ZKSCAN2: variants seen among roughly 807,000 people sequenced by gnomAD.
ZKSCAN2 encodes zinc finger with KRAB and SCAN domains 2.
In ZKSCAN2, 38 loss-of-function variants were observed where a neutral mutation model predicts 90.5. The observed-to-expected ratio is 0.42, with a 90% CI of 0.32 to 0.55. The LOEUF (loss-of-function observed/expected upper bound fraction) is 0.55. Ranked by LOEUF, ZKSCAN2 falls within the 20% of genes least tolerant of loss-of-function variation. The pLI, the probability that ZKSCAN2 is intolerant of heterozygous loss-of-function variation, is 0.11. For missense variants in ZKSCAN2, 1,167 were observed against 1,202.6 expected (o/e 0.97, Z 0.44); for synonymous variants, 429 against 421.6 (o/e 1.02, Z -0.22).
At chr16:25,248,880 A>G (rs1962976859) in intron 4 of ZKSCAN2, among the ~76,000 whole-genome samples, 1 of 152,248 alleles carries the variant, frequency 6.6e-6, no homozygotes, top group African/African-American at 2.4e-5. Flanking sequence ...CAGCTAAGAT[A>G]CGGAAGCAAC....
At position 25,241,596 on chromosome 16, in the gene ZKSCAN2, C is replaced by T. The variant is rs555641157; in HGVS notation, c.1982-858G>A. 1.6e-4 allele frequency among the ~76,000 whole-genome samples: 24 copies of T among 152,350 alleles called. 1 individual carries two copies. The highest frequency in any genetic ancestry group is 3.4e-3 in the Middle Eastern group (1 of 294). On this transcript the variant is annotated intron_variant, in intron 6 of 6. Transcript: ENST00000328086. ...CACGCCCACATACTCCCTGCTCCCT[C>T]CATCCAGACTACTTTGAAGCCAATT... is the stretch of plus-strand genomic sequence containing the variant.
At chr16:25,241,179 G>A (rs1962848841) in intron 6 of ZKSCAN2, among the ~76,000 whole-genome samples, 1 of 152,162 alleles carries the variant, frequency 6.6e-6, no homozygotes, top group Non-Finnish European at 1.5e-5. Context: ...CCACCCAAGG[G>A]TACCTGTTTC....
chr16:25,253,517 G>C (rs188364670), intron 2 of ZKSCAN2, among the ~76,000 whole-genome samples: 5 of 151,270 alleles, frequency 3.3e-5, no homozygotes, highest in Admixed American at 3.3e-4. Flanking sequence ...ATATAAATTT[G>C]GGGAGGCATA....
At position 25,238,917 on chromosome 16, in the gene ZKSCAN2, G is replaced by C. The variant is rs1407934169; in HGVS notation, c.*899C>G. The stretch of plus-strand genomic sequence containing the variant: ...CATGTTCTAGATAAGAGCCAGAGAA[G>C]TTAGAGGATAGAACTAGAACGCATC... On this transcript the variant is annotated 3_prime_UTR_variant, in exon 7 of 7. Coordinates refer to ENST00000328086, the MANE Select transcript of ZKSCAN2 (RefSeq NM_001012981.5). The C allele has an allele frequency of 1.3e-5, 2 of 152,356 alleles. No individual in the cohort carries two copies. Among genetic ancestry groups the C allele is most frequent in the Non-Finnish European group, 2.9e-5 (2 of 68,078 alleles). 9.4% of individuals were successfully genotyped at this position (152,356 alleles called of 1,614,324 possible). A position where few individuals can be genotyped will look rare whatever the true frequency, so the allele number is the denominator to read the frequency against.
rs990989745 is a variant in ZKSCAN2, at chr16:25,240,098, G to C, written c.2622C>G (p.Phe874Leu). ...CGKSFTNSSH[F>L]SAHRRVHTGE... ...CAGTGTGAACTCTCCGGTGGGCGCT[G>C]AAATGAGAACTGTTGGTGAAACTTT... The change falls in exon 7 of 7, where the codon TTC becomes TTG. Residue 874 changes from phenylalanine to leucine, a missense_variant. Transcript: ENST00000328086. 4.3e-6 allele frequency: 7 copies of C among 1,613,546 alleles called. No individual in the cohort carries two copies. The highest frequency in any genetic ancestry group is 5.9e-6 in the Non-Finnish European group (7 of 1,179,942).
In ZKSCAN2 at chr16:25,239,910, T is replaced by C. The variant is rs771030814; in HGVS notation, c.2810A>G (p.His937Arg). The change falls in exon 7 of 7, where the codon CAT (histidine) becomes CGT (arginine). Residue 937 changes from histidine to arginine, a missense_variant. By Grantham distance (29) the His-to-Arg change is conservative. Coordinates refer to ENST00000328086, the MANE Select transcript of ZKSCAN2 (RefSeq NM_001012981.5). Reference protein sequence around the residue: ...SSVLTKHREVHVREKPLPHPP... With the variant: ...SSVLTKHREVRVREKPLPHPP... ...GTGTGGCAGAGGCTTTTCTCTCACA[T>C]GAACTTCCCGATGTTTGGTAAGAAC... 1.3e-5 allele frequency: 21 copies of C among 1,614,084 alleles called. No homozygotes were observed. Among genetic ancestry groups the C allele is most frequent in the Non-Finnish European group, 1.6e-5 (19 of 1,180,042 alleles).
chr16:25,245,040 T>C (rs989315080), intron 5 of ZKSCAN2, among the ~76,000 whole-genome samples: 1 of 152,178 alleles, frequency 6.6e-6, no homozygotes, highest in African/African-American at 2.4e-5. Flanking sequence ...CCCAGCCTCA[T>C]GTTGATGGAT....
chr16:25,237,996 T>G lies in ZKSCAN2; in HGVS notation c.*1820A>C, dbSNP rs2141355644. ...ACACAGAAAAATCAACCTATTGAGATGTGAACAGTCATAATATTTCCAACA... is the reference window on the plus strand; with the variant it reads ...ACACAGAAAAATCAACCTATTGAGAGGTGAACAGTCATAATATTTCCAACA... On this transcript the variant is annotated 3_prime_UTR_variant, in exon 7 of 7. Transcript: ENST00000328086. 1 of 152,378 alleles carries G rather than the reference T, an allele frequency of 6.6e-6. No individual in the cohort carries two copies. Among genetic ancestry groups the G allele is most frequent in the Middle Eastern group, 3.4e-3 (1 of 294 alleles). 9.4% of individuals were successfully genotyped at this position (152,378 alleles called of 1,614,324 possible).
chr16:25,250,958 G>C (rs1963011801), intron 4 of ZKSCAN2, among the ~76,000 whole-genome samples: 1 of 152,126 alleles, frequency 6.6e-6, no homozygotes, highest in East Asian at 1.9e-4. Context: ...GTTTCACCAT[G>C]TTGGTCATGC....
rs146722199 is a variant in ZKSCAN2 at position 25,248,484 on chromosome 16, T to C, written c.806-1094A>G. 5.1e-3 allele frequency among the ~76,000 whole-genome samples: 768 copies of C among 152,026 alleles called. 11 individuals carry two copies. The highest frequency in any genetic ancestry group is 0.017 in the African/African-American group (722 of 41,478). ...CCAAACAAATAATCTCATTAAAAAA[T>C]AAGCCAAGGATATGAATGGACATCT... is the stretch of plus-strand genomic sequence containing the variant. On this transcript the variant is annotated intron_variant, in intron 4 of 6. Transcript: ENST00000328086.
At position 25,244,102 on chromosome 16, in the gene ZKSCAN2, T is replaced by C. The variant is rs773877242; in HGVS notation, c.1664A>G (p.Lys555Arg). The change falls in exon 6 of 7, where the codon AAA (lysine) becomes AGA (arginine). Residue 555 changes from lysine (K) to arginine (R), a missense_variant. Transcript: ENST00000328086. ...RTPEQCRTKF[K>R]SLQKSYRKVK... Reference sequence around the variant, plus strand: ...CTTGCGGTAACTCTTCTGAAGGCTTTTGAACTTGGTTCGGCACTGTTCTGG... The same window carrying C: ...CTTGCGGTAACTCTTCTGAAGGCTTCTGAACTTGGTTCGGCACTGTTCTGG... The C allele has an allele frequency of 6.8e-6, 11 of 1,614,074 alleles. No homozygotes were observed. Among genetic ancestry groups the C allele is most frequent in the Non-Finnish European group, 2.5e-6 (3 of 1,180,054 alleles).
Position 25,256,795 on chromosome 16 carries a change from T to C in ZKSCAN2, c.333A>G (p.Gln111=), listed in dbSNP as rs1342468541. The change falls in exon 1 of 7, where the codon CAA becomes CAG. Residue 111 remains glutamine (Q), a synonymous_variant. Coordinates refer to ENST00000328086, the MANE Select transcript of ZKSCAN2 (RefSeq NM_001012981.5). The part of the protein sequence containing the change: ...IQAWAQKQCP[Q]SGEEAVALVV... ...CCAGGGCCACCGCTTCCTCTCCACT[T>C]TGCGGACACTGCTTCTGTGCCCAAG... 1 of 1,614,184 alleles carries C rather than the reference T, an allele frequency of 6.2e-7. No individual in the cohort carries two copies. Among genetic ancestry groups the C allele is most frequent in the Admixed American group, 1.7e-5 (1 of 60,022 alleles).
chr16:25,257,474 G>T lies in ZKSCAN2; in HGVS notation c.-347C>A. The T allele has an allele frequency of 9.8e-7, 1 of 1,019,976 alleles. No homozygotes were observed. The highest frequency in any genetic ancestry group is 1.2e-6 in the Non-Finnish European group (1 of 853,782). 63.2% of individuals were successfully genotyped at this position (1,019,976 alleles called of 1,614,324 possible). On this transcript the variant is annotated 5_prime_UTR_variant, in exon 1 of 7. Coordinates refer to ENST00000328086, the MANE Select transcript of ZKSCAN2 (RefSeq NM_001012981.5). ...GCTGAGGAAAGGCTGGGCGGAGGCG[G>T]ACAGCCGGGCCGGGAGGGGGTGTGT... is the stretch of plus-strand genomic sequence containing the variant.
At chr16:25,253,097 C>A in intron 2 of ZKSCAN2, 60 bp from the exon 3 acceptor site, 1 of 1,317,684 alleles carries the variant, frequency 7.6e-7, no homozygotes, top group South Asian at 1.2e-5. Flanking sequence ...TTCATGCTGT[C>A]TCTCTTTTTA....
intron 2 of ZKSCAN2, 56 bp from the exon 3 acceptor site, chr16:25,253,093 CTG>C: frequency 7.5e-7 from 1 of 1,334,346 alleles, no homozygotes; most frequent in Non-Finnish European, 1.1e-6. Context: ...TTAATTCATG[CTG>C]TCTCTCTTTT....
chr16:25,247,627 C>A (rs978330534), intron 4 of ZKSCAN2, among the ~76,000 whole-genome samples: 1 of 152,106 alleles, frequency 6.6e-6, no homozygotes, highest in African/African-American at 2.4e-5. Flanking sequence ...ACAGGAAAAC[C>A]TTTAAGGGTA....
chr16:25,249,333 A>G (rs1483570362), intron 4 of ZKSCAN2, among the ~76,000 whole-genome samples: 1 of 152,228 alleles, frequency 6.6e-6, no homozygotes, highest in East Asian at 1.9e-4. Flanking sequence ...GAGTGAGCCC[A>G]GGCTGGAATG....
At chr16:25,244,572 GA>G (rs1238672451) in intron 5 of ZKSCAN2, among the ~76,000 whole-genome samples, 3 of 152,272 alleles carry the variant, frequency 2.0e-5, no homozygotes, top group Non-Finnish European at 2.9e-5. Flanking sequence ...TTTTAAAACT[GA>G]AATCGGTAAA....
rs1567349764 is a variant in ZKSCAN2, at chr16:25,240,072, CCA to C, written c.2646_2647del (p.Asn885SerfsTer8). The stretch of plus-strand genomic sequence containing the variant: ...GTCCACACATTTGTAGGGATTCTCC[CCA>C]GTGTGAACTCTCCGGTGGGCGCTGA... On this transcript the variant is annotated frameshift_variant, in exon 7 of 7. Transcript: ENST00000328086. LOFTEE classifies it low-confidence loss of function (END_TRUNC). The C allele has an allele frequency of 6.2e-7, 1 of 1,613,978 alleles. No individual in the cohort carries two copies. The highest frequency in any genetic ancestry group is 8.5e-7 in the Non-Finnish European group (1 of 1,179,998).
Sources: allele counts gnomAD v4.1 joint callset (sites outside exome capture counted in the v4.1 genomes callset), GRCh38; gene constraint gnomAD v4.1.1; transcripts MANE v1.5; gene names NCBI Gene and HGNC (gene_info 2026-07-23, HGNC 2026-07-21).